Variants in DLEU7 observed in about 807,000 individuals in gnomAD.
The protein encoded by DLEU7 is leukemia-associated protein 7.
In DLEU7, 17 loss-of-function variants were observed where a neutral mutation model predicts 16.0. The ratio of observed to expected loss-of-function variants is 1.06; its 90% CI spans 0.73 to 1.59. The LOEUF is 1.59. DLEU7 is among the 40% of genes most tolerant of loss of function. The probability of loss-of-function intolerance (pLI) is 0.00; values close to 1 mark genes in which losing one functional copy is unlikely to be tolerated. For synonymous variants in DLEU7, 113 were observed against 139.8 expected (o/e 0.81, Z 1.35); for missense variants, 308 against 314.9 (o/e 0.98, Z 0.17).
chr13:50,731,037 A>G (rs1173470758), intron 1 of DLEU7, among the ~76,000 whole-genome samples: 3 of 152,152 alleles, frequency 2.0e-5, no homozygotes, highest in East Asian at 1.9e-4. Flanking sequence ...CCTGCAACCA[A>G]TCAGACAGGT....
intron 1 of DLEU7, among the ~76,000 whole-genome samples, chr13:50,832,637 T>C (rs1266386852): frequency 6.6e-6 from 1 of 152,232 alleles, no homozygotes; most frequent in Non-Finnish European, 1.5e-5. Flanking sequence ...AATTTCCCTC[T>C]AAACACTACT....
At chr13:50,827,780 C>A (rs375399683) in intron 1 of DLEU7, among the ~76,000 whole-genome samples, 1 of 152,130 alleles carries the variant, frequency 6.6e-6, no homozygotes, top group South Asian at 2.1e-4. Context: ...AAACAGAAAG[C>A]ACTAAAAAAG....
At chr13:50,780,959 T>G (rs1875634986) in intron 1 of DLEU7, among the ~76,000 whole-genome samples, 1 of 152,214 alleles carries the variant, frequency 6.6e-6, no homozygotes, top group Non-Finnish European at 1.5e-5. Context: ...ACTGGCTTTC[T>G]TCAGATGAGT....
At chr13:50,785,994 C>G (rs984571612) in intron 1 of DLEU7, among the ~76,000 whole-genome samples, 3 of 152,124 alleles carry the variant, frequency 2.0e-5, no homozygotes, top group East Asian at 1.9e-4. Flanking sequence ...CATAAAGGAC[C>G]AGCATTAAGA....
chr13:50,820,901 T>C (rs965366945), downstream of DLEU7, among the ~76,000 whole-genome samples: 3 of 152,190 alleles, frequency 2.0e-5, no homozygotes, highest in Non-Finnish European at 4.4e-5. Context: ...ATAAACAGTA[T>C]CAAGATATTT....
intron 1 of DLEU7, among the ~76,000 whole-genome samples, chr13:50,799,923 T>C (rs1876202786): frequency 6.6e-6 from 1 of 152,250 alleles, no homozygotes; most frequent in African/African-American, 2.4e-5. Flanking sequence ...GCATAACTAC[T>C]GGATGTCCAC....
chr13:50,724,747 G>A (rs1454966807), intron 1 of DLEU7, among the ~76,000 whole-genome samples: 1 of 152,120 alleles, frequency 6.6e-6, no homozygotes, highest in Non-Finnish European at 1.5e-5. Context: ...TCGGCCCATC[G>A]CATCAGGGTG....
At chr13:50,724,151 T>C (rs1035426889) in intron 1 of DLEU7, among the ~76,000 whole-genome samples, 5 of 152,120 alleles carry the variant, frequency 3.3e-5, no homozygotes, top group East Asian at 3.8e-4. Context: ...CCATCACTAA[T>C]TGAAGAAAAA....
At chr13:50,780,716 C>G (rs1290004524) in intron 1 of DLEU7, among the ~76,000 whole-genome samples, 3 of 152,054 alleles carry the variant, frequency 2.0e-5, no homozygotes, top group African/African-American at 7.2e-5. Context: ...AAAGGGTTCC[C>G]ACAGAAACGA....
rs146651103 is a variant in DLEU7, at chr13:50,825,398, T to C, written c.460-1878A>G. On this transcript the variant is annotated intron_variant, in intron 1 of 1. Coordinates refer to ENST00000504404, the MANE Select transcript of DLEU7 (RefSeq NM_001306135.2). ...TACTTATGTGTCACCTTAATACTCA[T>C]GTGTCACCTTATTCTGGCTGGCATA... Among the ~76,000 whole-genome samples the C allele has an allele frequency of 9.5e-3, 1,441 of 152,292 alleles. 27 individuals are homozygous for C. Among genetic ancestry groups the C allele is most frequent in the African/African-American group, 0.033 (1,370 of 41,556 alleles).
chr13:50,796,645 C>T (rs1876116454), intron 1 of DLEU7, among the ~76,000 whole-genome samples: 1 of 152,166 alleles, frequency 6.6e-6, no homozygotes, highest in Non-Finnish European at 1.5e-5. Context: ...GGTCATGTGA[C>T]TCCACTCCCA....
chr13:50,800,201 C>T (rs1876208840), intron 1 of DLEU7, among the ~76,000 whole-genome samples: 2 of 152,114 alleles, frequency 1.3e-5, no homozygotes, highest in South Asian at 2.1e-4. Flanking sequence ...AATAAAAGCT[C>T]ATGGTATGAA....
At chr13:50,760,089 T>C (rs1874883272) in intron 1 of DLEU7, among the ~76,000 whole-genome samples, 1 of 152,222 alleles carries the variant, frequency 6.6e-6, no homozygotes, top group Admixed American at 6.5e-5. Flanking sequence ...AGGGGTTTGG[T>C]CTGGTTTTTA....
chr13:50,814,558 G>A (rs1327631394), intron 1 of DLEU7, among the ~76,000 whole-genome samples: 1 of 151,398 alleles, frequency 6.6e-6, no homozygotes, highest in African/African-American at 2.4e-5. Flanking sequence ...TCTAACATTA[G>A]ACAAAGAAAC....
At chr13:50,816,589 G>A (rs1307181934) in intron 1 of DLEU7, among the ~76,000 whole-genome samples, 3 of 152,098 alleles carry the variant, frequency 2.0e-5, no homozygotes, top group African/African-American at 7.2e-5. Flanking sequence ...GCTGAGATAA[G>A]ATTAAAGAAT....
chr13:50,817,292 T>C (rs1308999625), intron 1 of DLEU7, among the ~76,000 whole-genome samples: 1 of 152,090 alleles, frequency 6.6e-6, no homozygotes, highest in Admixed American at 6.6e-5. Context: ...AAAAGAGAAA[T>C]TTATAAACTA....
intron 1 of DLEU7, among the ~76,000 whole-genome samples, chr13:50,810,827 C>T (rs1453178992): frequency 6.6e-6 from 1 of 152,012 alleles, no homozygotes; most frequent in Non-Finnish European, 1.5e-5. Context: ...ATTATACATC[C>T]CTGGATTCTT....
At chr13:50,748,876 G>A (rs1874480665) in intron 1 of DLEU7, among the ~76,000 whole-genome samples, 2 of 152,158 alleles carry the variant, frequency 1.3e-5, no homozygotes, top group African/African-American at 4.8e-5. Flanking sequence ...CATGTCTTCA[G>A]TCAAGTCAAT....
chr13:50,713,326 A>AT, intron 1 of DLEU7: 1 of 1,504,732 alleles, frequency 6.6e-7, no homozygotes, highest in Non-Finnish European at 9.0e-7. Flanking sequence ...TGAGCACTAT[A>AT]TTGCATTTTA....
Sources: gnomAD v4.1 joint callset for allele counts (sites outside exome capture counted in the v4.1 genomes callset) on GRCh38, gnomAD v4.1.1 for gene constraint, MANE v1.5 for transcripts, NCBI Gene and HGNC (gene_info 2026-07-23, HGNC 2026-07-21) for gene names.